FRAS1: variants seen among roughly 807,000 people sequenced by gnomAD.
The protein encoded by FRAS1 is extracellular matrix organizing protein FRAS1.
A neutral mutation model predicts 435.2 loss-of-function variants in FRAS1; 290 were observed. The ratio of observed to expected loss-of-function variants is 0.67; its 90% CI spans 0.61 to 0.73. The LOEUF is 0.73. FRAS1 is among the 30% of genes least tolerant of loss of function. The pLI, the probability that FRAS1 is intolerant of heterozygous loss-of-function variation, is 0.00. For missense variants in FRAS1, 4,860 were observed against 5,001.5 expected, an observed-to-expected ratio of 0.97 and a Z score of 0.85; for synonymous variants, 1,800 against 1,851.0, an observed-to-expected ratio of 0.97 and a Z score of 0.71.
chr4:78,109,064 C>T (rs1742547870), intron 2 of FRAS1, among the ~76,000 whole-genome samples: 1 of 60,098 alleles, frequency 1.7e-5, no homozygotes, highest in Non-Finnish European at 3.1e-5. Context: ...AGTTGAATCT[C>T]TGAATAGACC....
At chr4:78,065,839 A>C in intron 1 of FRAS1, 146 bp from the exon 2 acceptor site, 1 of 670,692 alleles carries the variant, frequency 1.5e-6, no homozygotes, top group Non-Finnish European at 2.7e-6. Flanking sequence ...CCAGGGGAAG[A>C]ATGCTGAAGC....
At chr4:78,439,839 C>A (rs748959053) in intron 40 of FRAS1, among the ~76,000 whole-genome samples, 1 of 152,004 alleles carries the variant, frequency 6.6e-6, no homozygotes, top group Non-Finnish European at 1.5e-5. Context: ...TAAAGAATTT[C>A]TCTAATGATT....
chr4:78,507,488 C>T lies in FRAS1; in HGVS notation c.9384C>T (p.Phe3128=), dbSNP rs183654053. The T allele has an allele frequency of 1.5e-4, 237 of 1,612,628 alleles. No homozygotes were observed. The highest frequency in any genetic ancestry group is 1.8e-4 in the Non-Finnish European group (213 of 1,179,376). The change falls in exon 62 of 74, where the codon TTC becomes TTT. Residue 3128 remains phenylalanine, a synonymous_variant. Transcript: ENST00000512123. ...SNEDREWHES[F]SLVLGPDDPV... is the part of the protein sequence containing the mutation. ...AAGACCGGGAATGGCATGAATCTTT[C>T]TCACTAGTCCTTGGCCCAGATGACC...
chr4:78,087,288 GCTAT>G (rs1244697013), intron 2 of FRAS1, among the ~76,000 whole-genome samples: 1 of 151,530 alleles, frequency 6.6e-6, no homozygotes, highest in Non-Finnish European at 1.5e-5. Context: ...AATAATAAGA[GCTAT>G]CTATGACAAA....
intron 29 of FRAS1, among the ~76,000 whole-genome samples, chr4:78,398,722 C>T (rs1420049585): frequency 2.6e-5 from 4 of 152,122 alleles, no homozygotes; most frequent in Admixed American, 6.5e-5. Flanking sequence ...TGGTGGCTCA[C>T]GCCTGTAATC....
chr4:78,338,674 A>G (rs1309458043), intron 20 of FRAS1, among the ~76,000 whole-genome samples: 1 of 152,170 alleles, frequency 6.6e-6, no homozygotes, highest in East Asian at 1.9e-4. Context: ...TGAGAGGTTG[A>G]CCAGGCTGTC....
intron 15 of FRAS1, among the ~76,000 whole-genome samples, chr4:78,310,867 A>G (rs1008031123): frequency 6.6e-6 from 1 of 152,214 alleles, no homozygotes; most frequent in African/African-American, 2.4e-5. Context: ...ACAATTTATA[A>G]CCTACCAGCC....
At chr4:78,162,234 A>G (rs1721171751) in intron 2 of FRAS1, among the ~76,000 whole-genome samples, 1 of 152,146 alleles carries the variant, frequency 6.6e-6, no homozygotes, top group South Asian at 2.1e-4. Flanking sequence ...TATACCTGAA[A>G]GGATCCACAA....
rs1173438053 is a variant in FRAS1 at position 78,354,028 on chromosome 4, A to AT, written c.2423-9485_2423-9484insT. ...AAATTAAAAAAAAAATAAAATAAAA[A>AT]AAAAAAAAAAAAAAAAGCTTCAAGA... On this transcript the variant is annotated intron_variant, in intron 20 of 73. Coordinates refer to ENST00000512123, the MANE Select transcript of FRAS1 (RefSeq NM_025074.7). Among the ~76,000 whole-genome samples the AT allele has an allele frequency of 3.0e-4, 2 of 6,682 alleles. 1 individual carries two copies. Among genetic ancestry groups the AT allele is most frequent in the African/African-American group, 8.9e-3 (2 of 224 alleles). 4.4% of individuals were successfully genotyped at this position (6,682 alleles called of 152,430 possible).
At chr4:78,168,914 C>T (rs1336240355) in intron 2 of FRAS1, among the ~76,000 whole-genome samples, 2 of 152,042 alleles carry the variant, frequency 1.3e-5, no homozygotes, top group African/African-American at 4.8e-5. Flanking sequence ...TATGAGGGTG[C>T]TTTGTGTGCA....
chr4:78,171,336 C>G (rs544782221), intron 2 of FRAS1, among the ~76,000 whole-genome samples: 2 of 152,112 alleles, frequency 1.3e-5, no homozygotes, highest in Non-Finnish European at 2.9e-5. Flanking sequence ...TGAACCTGGG[C>G]CCTGTAGCTC....
chr4:78,073,425 C>T (rs533950049), intron 2 of FRAS1, among the ~76,000 whole-genome samples: 33 of 152,176 alleles, frequency 2.2e-4, no homozygotes, highest in Non-Finnish European at 3.1e-4. Flanking sequence ...AACTATGTTA[C>T]GTTTTATCAT....
At position 78,324,708 on chromosome 4, in the gene FRAS1, C is replaced by CTT. The variant is rs139942839; in HGVS notation, c.2137+5744_2137+5745dup. On this transcript the variant is annotated intron_variant, in intron 18 of 73. Coordinates refer to ENST00000512123, the MANE Select transcript of FRAS1 (RefSeq NM_025074.7). ...CTTTCTTTTTATTAAGCTCAGATTC[C>CTT]TTTTTTTTTTTTTTTTTTTTTTTCT... Among the ~76,000 whole-genome samples the CTT allele has an allele frequency of 2.7e-3, 236 of 88,026 alleles. 1 individual carries two copies. The highest frequency in any genetic ancestry group is 6.6e-3 in the Middle Eastern group (1 of 152). 57.7% of individuals were successfully genotyped at this position (88,026 alleles called of 152,430 possible). A position where few individuals can be genotyped will look rare whatever the true frequency, so the allele number is the denominator to read the frequency against.
chr4:78,468,939 G>A (rs1269089439), intron 50 of FRAS1, among the ~76,000 whole-genome samples: 1 of 152,202 alleles, frequency 6.6e-6, no homozygotes, highest in East Asian at 1.9e-4. Context: ...GTCCTTTAGA[G>A]ACAAACAGTC....
intron 34 of FRAS1, among the ~76,000 whole-genome samples, chr4:78,422,748 G>A (rs184554940): frequency 1.3e-5 from 2 of 152,300 alleles, no homozygotes; most frequent in East Asian, 1.9e-4. Flanking sequence ...TAGGGAACTA[G>A]GGAATGGCTT....
At chr4:78,117,830 C>A (rs1361321783) in intron 2 of FRAS1, among the ~76,000 whole-genome samples, 4 of 152,276 alleles carry the variant, frequency 2.6e-5, no homozygotes, top group Non-Finnish European at 5.9e-5. Flanking sequence ...TCTCTCAGCT[C>A]ATCAAAGTCA....
At chr4:78,286,333 C>A in intron 13 of FRAS1, 72 bp from the exon 14 acceptor site, 2 of 1,576,372 alleles carry the variant, frequency 1.3e-6, no homozygotes, top group Non-Finnish European at 1.7e-6. Context: ...TGTGTAAGCA[C>A]TGGCATGGGG....
intron 2 of FRAS1, among the ~76,000 whole-genome samples, chr4:78,123,810 T>C (rs1719174319): frequency 1.3e-5 from 2 of 152,208 alleles, no homozygotes; most frequent in African/African-American, 4.8e-5. Flanking sequence ...ATGCTTGTGA[T>C]TTTTGCACAC....
intron 4 of FRAS1, among the ~76,000 whole-genome samples, chr4:78,250,869 CA>C (rs973137445): frequency 6.6e-6 from 1 of 152,110 alleles, no homozygotes; most frequent in Non-Finnish European, 1.5e-5. Context: ...GTATTTTTTA[CA>C]ATTAATACAT....
Sources: allele counts gnomAD v4.1 joint callset (sites outside exome capture counted in the v4.1 genomes callset), GRCh38; gene constraint gnomAD v4.1.1; transcripts MANE v1.5; gene names NCBI Gene and HGNC (gene_info 2026-07-23, HGNC 2026-07-21).